AGBL1: variants seen among roughly 807,000 people sequenced by gnomAD.
AGBL1 encodes AGBL carboxypeptidase 1, also known as cytosolic carboxypeptidase 4.
In AGBL1, 130 loss-of-function variants were observed where a neutral mutation model predicts 118.9. That is an observed-to-expected ratio of 1.09 (90% CI 0.95 to 1.26). AGBL1 has a LOEUF of 1.26. Among genes scored for constraint, AGBL1 ranks in the 50% most tolerant of loss-of-function variants. The pLI is 0.00. For missense variants in AGBL1, 1,584 were observed against 1,298.1 expected (o/e 1.22, Z -3.38); for synonymous variants, 555 against 478.9 (o/e 1.16, Z -2.08).
intron 1 of AGBL1, among the ~76,000 whole-genome samples, chr15:86,096,970 G>T (rs113864811): frequency 5.3e-5 from 8 of 152,066 alleles, no homozygotes; most frequent in African/African-American, 1.7e-4. Flanking sequence ...TAATAGGAGG[G>T]ACCTAAAACA....
chr15:86,804,211 T>C (rs2078688546), intron 22 of AGBL1, among the ~76,000 whole-genome samples: 1 of 152,104 alleles, frequency 6.6e-6, no homozygotes, highest in South Asian at 2.1e-4. Flanking sequence ...TAAACATTCG[T>C]GAATCTGAGA....
intron 19 of AGBL1, among the ~76,000 whole-genome samples, chr15:86,525,009 C>T (rs996669096): frequency 6.6e-6 from 1 of 152,030 alleles, no homozygotes; most frequent in Non-Finnish European, 1.5e-5. Context: ...ACCCTACAGA[C>T]TCCCTCAATA....
intron 1 of AGBL1, among the ~76,000 whole-genome samples, chr15:86,130,245 A>G (rs999213400): frequency 1.3e-5 from 2 of 152,142 alleles, no homozygotes; most frequent in Non-Finnish European, 2.9e-5. Context: ...ATGAACATAC[A>G]CTACCACTTT....
At chr15:86,118,204 T>C (rs1897877432) in intron 1 of AGBL1, among the ~76,000 whole-genome samples, 2 of 152,206 alleles carry the variant, frequency 1.3e-5, no homozygotes, top group African/African-American at 4.8e-5. Context: ...AAGCAAACTC[T>C]CATTTGAGGT....
chr15:86,889,640 T>C (rs947347998), intron 22 of AGBL1, among the ~76,000 whole-genome samples: 4 of 152,142 alleles, frequency 2.6e-5, no homozygotes, highest in Non-Finnish European at 5.9e-5. Flanking sequence ...AGTGAGAACA[T>C]GTGGTGTTTG....
intron 19 of AGBL1, among the ~76,000 whole-genome samples, chr15:86,527,634 G>A (rs1330353219): frequency 6.6e-6 from 1 of 152,132 alleles, no homozygotes; most frequent in African/African-American, 2.4e-5. Flanking sequence ...CTGTGACTCT[G>A]CCCAAATTCT....
At position 86,915,898 on chromosome 15, in the gene AGBL1, CAG is replaced by C. The variant is rs1405274995; in HGVS notation, c.*8607_*8608del. ...AGGACACACGTGAGTCCAGCCAACT[CAG>C]AGCTTCAAGGAGGCGTCCAGGAGAA... On this transcript the variant is annotated 3_prime_UTR_variant, in exon 23 of 23. Transcript: ENST00000614907. 6.6e-6 allele frequency: 1 copy of C among 152,220 alleles called. No homozygotes were observed. Among genetic ancestry groups the C allele is most frequent in the Non-Finnish European group, 1.5e-5 (1 of 68,044 alleles). The allele number at this position is 152,220 out of a possible 1,614,324, so 9.4% of individuals were successfully genotyped here.
chr15:86,642,409 A>G (rs554501890), intron 21 of AGBL1, among the ~76,000 whole-genome samples: 1 of 152,316 alleles, frequency 6.6e-6, no homozygotes, highest in South Asian at 2.1e-4. Flanking sequence ...AGAATTGACG[A>G]GACATGGTAA....
At chr15:86,515,221 T>A (rs560082710) in intron 18 of AGBL1, among the ~76,000 whole-genome samples, 2 of 152,362 alleles carry the variant, frequency 1.3e-5, no homozygotes, top group East Asian at 3.9e-4. Flanking sequence ...TGGGTAATAC[T>A]TCTAATTATA....
intron 17 of AGBL1, among the ~76,000 whole-genome samples, chr15:86,367,168 T>C (rs1182118568): frequency 6.6e-6 from 1 of 152,210 alleles, no homozygotes; most frequent in African/African-American, 2.4e-5. Flanking sequence ...ATCTATGGGC[T>C]CATGTAAATC....
intron 6 of AGBL1, among the ~76,000 whole-genome samples, chr15:86,245,275 G>C (rs777029789): frequency 6.6e-6 from 1 of 152,204 alleles, no homozygotes; most frequent in Non-Finnish European, 1.5e-5. Context: ...GTCTTAGGGA[G>C]AAATCTGACT....
chr15:86,102,778 T>G (rs1460371936), intron 1 of AGBL1, among the ~76,000 whole-genome samples: 1 of 152,210 alleles, frequency 6.6e-6, no homozygotes, highest in African/African-American at 2.4e-5. Flanking sequence ...TGTTTTTGAA[T>G]TGTATCTATT....
Position 86,656,701 on chromosome 15 carries a change from C to A in AGBL1, c.2995-17572C>A, listed in dbSNP as rs372250893. On this transcript the variant is annotated intron_variant, in intron 21 of 22. Transcript: ENST00000614907. Reference sequence around the variant, plus strand: ...ATTGAAGATCTCTCCCTTTTCCTGGCCAGAACCCTTGTGACCTTCTTCCTT... The same window carrying A: ...ATTGAAGATCTCTCCCTTTTCCTGGACAGAACCCTTGTGACCTTCTTCCTT... Among the ~76,000 whole-genome samples, 70 of 152,222 alleles carry A rather than the reference C, an allele frequency of 4.6e-4. 2 individuals carry two copies. In the South Asian group the frequency reaches 0.014, roughly 30 times the overall value.
intron 24 of AGBL1, among the ~76,000 whole-genome samples, chr15:86,997,141 C>T (rs2081387569): frequency 1.3e-5 from 2 of 152,116 alleles, no homozygotes; most frequent in South Asian, 2.1e-4. Context: ...ATCCACTAAC[C>T]TTCTTTTGAA....
intron 23 of AGBL1, among the ~76,000 whole-genome samples, chr15:86,987,118 T>C (rs2081292542): frequency 6.6e-6 from 1 of 152,120 alleles, no homozygotes; most frequent in African/African-American, 2.4e-5. Context: ...TCTTTTGTGG[T>C]GGAATGTCAT....
At chr15:86,560,450 C>T (rs2083800745) in intron 21 of AGBL1, among the ~76,000 whole-genome samples, 1 of 152,168 alleles carries the variant, frequency 6.6e-6, no homozygotes, top group African/African-American at 2.4e-5. Context: ...TCATCCATGT[C>T]CCTACAAAGG....
intron 6 of AGBL1, among the ~76,000 whole-genome samples, chr15:86,242,807 T>G (rs2078660724): frequency 6.6e-6 from 1 of 152,230 alleles, no homozygotes; most frequent in Non-Finnish European, 1.5e-5. Context: ...AGAGGAGCAG[T>G]GGGCTGCTTG....
chr15:86,659,417 A>T (rs2085506589), intron 21 of AGBL1, among the ~76,000 whole-genome samples: 1 of 152,170 alleles, frequency 6.6e-6, no homozygotes. Flanking sequence ...TCTGAAGGTA[A>T]AGGTGATACA....
intron 21 of AGBL1, among the ~76,000 whole-genome samples, chr15:86,643,921 T>G (rs2142475412): frequency 6.6e-6 from 1 of 152,310 alleles, no homozygotes; most frequent in African/African-American, 2.4e-5. Context: ...TAAAGTTGTT[T>G]TTCCTATTTT....
Sources: gnomAD v4.1 joint callset for allele counts (sites outside exome capture counted in the v4.1 genomes callset) on GRCh38, gnomAD v4.1.1 for gene constraint, MANE v1.5 for transcripts, NCBI Gene and HGNC (gene_info 2026-07-23, HGNC 2026-07-21) for gene names.